The following CENPA variants were observed in gnomAD, a reference collection of about 807,000 sequenced individuals.
CENPA encodes the protein histone H3-like centromeric protein A.
A neutral mutation model predicts 17.2 loss-of-function variants in CENPA; 7 were observed. That is an observed-to-expected ratio of 0.41 (90% confidence interval 0.23 to 0.76). The LOEUF is 0.76. Ranked by LOEUF, CENPA falls within the 30% of genes least tolerant of loss-of-function variation. The pLI is 0.34. For synonymous variants in CENPA, 82 were observed against 77.4 expected (o/e 1.06, Z -0.31); for missense variants, 149 against 193.1 (o/e 0.77, Z 1.35).
rs1037064088 is a variant in CENPA at position 26,794,200 on chromosome 2, A to G, written c.*436A>G. On this transcript the variant is annotated 3_prime_UTR_variant, in exon 5 of 5. Coordinates refer to ENST00000335756, the MANE Select transcript of CENPA (RefSeq NM_001809.4). ...ACATTTGTACTTTTATTTTACACATAAGGGAAAAAATAAGACCACTTTGAG... is the reference window on the plus strand; with the variant it reads ...ACATTTGTACTTTTATTTTACACATGAGGGAAAAAATAAGACCACTTTGAG... 7.2e-5 allele frequency: 11 copies of G among 152,274 alleles called. No individual in the cohort carries two copies. The highest frequency in any genetic ancestry group is 2.7e-4 in the African/African-American group (11 of 41,478). The allele number at this position is 152,274 out of a possible 1,614,324, so 9.4% of individuals were successfully genotyped here. A position where few individuals can be genotyped will look rare whatever the true frequency, so the allele number is the denominator to read the frequency against.
chr2:26,792,554 T>G, intron 2 of CENPA: 2 of 716,924 alleles, frequency 2.8e-6, no homozygotes, highest in Non-Finnish European at 5.2e-6. Context: ...TACTGGTGAT[T>G]TCCCCATCAC....
At chr2:26,788,732 A>G (rs187525427) in intron 1 of CENPA, among the ~76,000 whole-genome samples, 1 of 152,304 alleles carries the variant, frequency 6.6e-6, no homozygotes. Flanking sequence ...CTGGAGAGCA[A>G]CGGCGTGATC....
rs1022759295 is a variant in CENPA, at chr2:26,786,277, C to T, written c.81C>T (p.Ser27=). The change falls in exon 1 of 5, where the codon TCC becomes TCT. Residue 27 remains serine (S), a synonymous_variant. Coordinates refer to ENST00000335756, the MANE Select transcript of CENPA (RefSeq NM_001809.4). ...GCCCGACCCCGACCCCCGGCCCCTC[C>T]CGGCGGGGCCCCTCCTTAGGTAACC... is the stretch of plus-strand genomic sequence containing the variant. ...SPSPTPTPGP[S]RRGPSLGASS... 7.4e-7 allele frequency: 1 copy of T among 1,343,646 alleles called. No homozygotes were observed. Among genetic ancestry groups the T allele is most frequent in the Non-Finnish European group, 9.5e-7 (1 of 1,052,890 alleles). 83.2% of individuals were successfully genotyped at this position (1,343,646 alleles called of 1,614,324 possible). A position where few individuals can be genotyped will look rare whatever the true frequency, so the allele number is the denominator to read the frequency against.
At position 26,786,208 on chromosome 2, in the gene CENPA, C is replaced by G; in HGVS notation, c.12C>G (p.Arg4=). 1 of 1,442,094 alleles carries G rather than the reference C, an allele frequency of 6.9e-7. No homozygotes were observed. Among genetic ancestry groups the G allele is most frequent in the Non-Finnish European group, 9.1e-7 (1 of 1,103,916 alleles). The allele number at this position is 1,442,094 out of a possible 1,614,324, so 89.3% of individuals were successfully genotyped here. A position where few individuals can be genotyped will look rare whatever the true frequency, so the allele number is the denominator to read the frequency against. MGP[R]RRSRKPEAPR... ...CTCTGCGGCGTGTCATGGGCCCGCG[C>G]CGCCGGAGCCGAAAGCCCGAGGCCC... Residue 4 remains arginine, a synonymous_variant, in exon 1 of 5, where the codon CGC becomes CGG. Transcript: ENST00000335756.
At chr2:26,793,085 C>G (rs931697735) in intron 3 of CENPA, 60 bp from the exon 4 acceptor site, 10 of 1,586,712 alleles carry the variant, frequency 6.3e-6, no homozygotes, top group Non-Finnish European at 8.6e-6. Flanking sequence ...AGCAGGTTTC[C>G]AAAAAAAAGC....
At chr2:26,787,442 C>T (rs564620312) in intron 1 of CENPA, among the ~76,000 whole-genome samples, 1 of 150,544 alleles carries the variant, frequency 6.6e-6, no homozygotes, top group East Asian at 2.0e-4. Context: ...GTCTTGATCT[C>T]CTGACCTCGT....
At chr2:26,793,638 A>G (rs1664661158) in intron 4 of CENPA, among the ~76,000 whole-genome samples, 174 bp from the exon 5 acceptor site, 1 of 152,202 alleles carries the variant, frequency 6.6e-6, no homozygotes, top group Non-Finnish European at 1.5e-5. Flanking sequence ...TGGCCTCCCA[A>G]AGTGTTGAGA....
intron 1 of CENPA, among the ~76,000 whole-genome samples, chr2:26,788,493 G>A (rs936171995): frequency 6.6e-6 from 1 of 151,614 alleles, no homozygotes; most frequent in African/African-American, 2.4e-5. Flanking sequence ...CTCACTCTTA[G>A]CCAATAATGG....
chr2:26,792,533 C>T, intron 2 of CENPA: 1 of 714,840 alleles, frequency 1.4e-6, no homozygotes, highest in South Asian at 1.5e-5. Context: ...GATTGCCTCT[C>T]ATCACCCAAT....
At chr2:26,790,925 T>C (rs1480616601) in intron 1 of CENPA, among the ~76,000 whole-genome samples, 5 of 152,222 alleles carry the variant, frequency 3.3e-5, no homozygotes, top group African/African-American at 1.2e-4. Context: ...TCTATCGAAC[T>C]TGGTGTAGAG....
At position 26,786,080 on chromosome 2, in the gene CENPA, T is replaced by G; in HGVS notation, c.-117T>G. 7.9e-7 allele frequency: 1 copy of G among 1,269,058 alleles called. No homozygotes were observed. Among genetic ancestry groups the G allele is most frequent in the Non-Finnish European group, 1.0e-6 (1 of 1,003,952 alleles). 78.6% of individuals were successfully genotyped at this position (1,269,058 alleles called of 1,614,324 possible). On this transcript the variant is annotated 5_prime_UTR_variant, in exon 1 of 5. It removes an upstream start codon present in the reference 5' UTR. Coordinates refer to ENST00000335756, the MANE Select transcript of CENPA (RefSeq NM_001809.4). ...CGGACTTCTGCCAAGCACCGGCTCA[T>G]GTGAGGCTCGCGGCACAGCGTTCTC... is the stretch of plus-strand genomic sequence containing the variant.
chr2:26,790,634 GTT>G lies in CENPA; in HGVS notation c.101-1495_101-1494del, dbSNP rs201854974. 7.7e-3 allele frequency among the ~76,000 whole-genome samples: 1,180 copies of G among 152,350 alleles called. 14 individuals are homozygous for G. The highest frequency in any genetic ancestry group is 0.046 in the East Asian group (241 of 5,186). Reference sequence around the variant, plus strand: ...AGCCACCGCACCCAGCCCTATGTCTGTTTATTAAAGACTGCCTCCAGTGACTG... The same window carrying G: ...AGCCACCGCACCCAGCCCTATGTCTGTATTAAAGACTGCCTCCAGTGACTG... On this transcript the variant is annotated intron_variant, in intron 1 of 4. Transcript: ENST00000335756.
Position 26,787,862 on chromosome 2 carries a change from T to C in CENPA, c.100+1566T>C, listed in dbSNP as rs557542759. On this transcript the variant is annotated intron_variant, in intron 1 of 4. Transcript: ENST00000335756. Reference sequence around the variant, plus strand: ...CCCTAGTCGTTTTTAGTTGCTCCAGTTGGAATTTTTAAGTAGACTATTATG... The same window carrying C: ...CCCTAGTCGTTTTTAGTTGCTCCAGCTGGAATTTTTAAGTAGACTATTATG... Among the ~76,000 whole-genome samples the C allele has an allele frequency of 2.6e-5, 4 of 152,152 alleles. No homozygotes were observed. The South Asian group carries it at 8.4e-4, about 32-fold the overall frequency.
At chr2:26,793,379 CT>C (rs772798880) in intron 4 of CENPA, 53 bp downstream of exon 4, 40 of 1,494,860 alleles carry the variant, frequency 2.7e-5, no homozygotes, top group Non-Finnish European at 3.5e-5. Context: ...AAGTAATTTC[CT>C]TTCTCCATCC....
intron 2 of CENPA, 79 bp from the exon 3 acceptor site, chr2:26,792,677 A>C: frequency 8.4e-7 from 1 of 1,189,064 alleles, no homozygotes; most frequent in Non-Finnish European, 1.3e-6. Flanking sequence ...ACTGGAACTC[A>C]TGGAGAGCAT....
intron 1 of CENPA, among the ~76,000 whole-genome samples, chr2:26,788,736 C>T (rs957527753): frequency 1.3e-5 from 2 of 152,308 alleles, no homozygotes; most frequent in African/African-American, 2.4e-5. Flanking sequence ...AGAGCAACGG[C>T]GTGATCTCGG....
chr2:26,790,127 A>G (rs10865440), intron 1 of CENPA, among the ~76,000 whole-genome samples: 14 of 151,808 alleles, frequency 9.2e-5, no homozygotes, highest in Admixed American at 2.0e-4. Context: ...GAGTTCATTA[A>G]CCATTTTTCT....
chr2:26,786,962 A>T (rs1664518599), intron 1 of CENPA, among the ~76,000 whole-genome samples: 1 of 152,244 alleles, frequency 6.6e-6, no homozygotes, highest in South Asian at 2.1e-4. Flanking sequence ...ACCCAACGGC[A>T]GGAGGAGGCA....
At chr2:26,791,716 G>A (rs1664617663) in intron 1 of CENPA, among the ~76,000 whole-genome samples, 1 of 152,200 alleles carries the variant, frequency 6.6e-6, no homozygotes, top group Non-Finnish European at 1.5e-5. Context: ...TCCAATCTAG[G>A]TGGGAAAGAT....
Sources: allele counts gnomAD v4.1 joint callset (sites outside exome capture counted in the v4.1 genomes callset), GRCh38; gene constraint gnomAD v4.1.1; transcripts MANE v1.5; gene names NCBI Gene and HGNC (gene_info 2026-07-23, HGNC 2026-07-21).